DDX23: variants seen among roughly 807,000 people sequenced by gnomAD.
DDX23 encodes probable ATP-dependent RNA helicase DDX23.
Under a neutral mutation model 102.7 loss-of-function variants are expected in DDX23, and 33 were observed. The ratio of observed to expected loss-of-function variants is 0.32; its 90% CI spans 0.24 to 0.43. DDX23 has a LOEUF of 0.43. Among genes scored for constraint, DDX23 ranks in the 20% least tolerant of loss-of-function variants. The pLI is 1.00. For missense variants in DDX23, 549 were observed against 1,086.6 expected, an observed-to-expected ratio of 0.51 and a Z score of 6.96; for synonymous variants, 352 against 376.0, an observed-to-expected ratio of 0.94 and a Z score of 0.74.
rs1328308777 is a variant in DDX23, at chr12:48,836,539, G to C, written c.1236+30C>G. ...CCCAAACTAGTGTAGGAACATGTCA[G>C]ATCTCTTGGGCCAATCTATCCCTCC... On this transcript the variant is annotated intron_variant, in intron 10 of 16. Coordinates refer to ENST00000308025, the MANE Select transcript of DDX23 (RefSeq NM_004818.3). The surrounding 1 kb of genome is among the most constrained non-coding windows in gnomAD (Gnocchi z 6.1). 1 of 1,598,860 alleles carries C rather than the reference G, an allele frequency of 6.3e-7. No individual in the cohort carries two copies. The highest frequency in any genetic ancestry group is 1.3e-5 in the African/African-American group (1 of 74,532).
chr12:48,844,282 C>T (rs1938625673), intron 2 of DDX23, among the ~76,000 whole-genome samples: 1 of 152,010 alleles, frequency 6.6e-6, no homozygotes, highest in African/African-American at 2.4e-5. Context: ...ATGAACCTTC[C>T]TTTTTTATTT....
At chr12:48,839,154 T>C (rs967743700) in intron 5 of DDX23, among the ~76,000 whole-genome samples, 1 of 152,062 alleles carries the variant, frequency 6.6e-6, no homozygotes, top group South Asian at 2.1e-4. Context: ...GGATTACAGG[T>C]GTGAGCCACT....
At position 48,830,527 on chromosome 12, in the gene DDX23, T is replaced by C; in HGVS notation, c.2405A>G (p.Gln802Arg). Residue 802 changes from glutamine to arginine, a missense_variant, in exon 17 of 17, where the codon CAG becomes CGG. By Grantham distance (43) the Gln-to-Arg change is conservative. This residue lies in a region of DDX23 where 38 missense variants were observed against 94.5 expected (regional missense o/e 0.40). Transcript: ENST00000308025. This position sits in a 1 kb window ranked among gnomAD's most constrained non-coding sequence, Gnocchi z 4.9. ...PPELANHPDA[Q>R]HKPGTILTKK... ...GGTGAGGATGGTGCCTGGCTTATGCTGGGCATCTGGGTGGTTGGCTAGTTC... is the reference window on the plus strand; with the variant it reads ...GGTGAGGATGGTGCCTGGCTTATGCCGGGCATCTGGGTGGTTGGCTAGTTC... 1 of 1,613,706 alleles carries C rather than the reference T, an allele frequency of 6.2e-7. No homozygotes were observed. The highest frequency in any genetic ancestry group is 8.5e-7 in the Non-Finnish European group (1 of 1,180,000).
At chr12:48,849,359 TAA>T (rs1037730880) in intron 1 of DDX23, among the ~76,000 whole-genome samples, 9 of 151,980 alleles carry the variant, frequency 5.9e-5, no homozygotes, top group African/African-American at 1.9e-4. Context: ...TTTACATTTA[TAA>T]ACAGTTAAAA....
chr12:48,842,986 C>A (rs1377820855), intron 3 of DDX23, among the ~76,000 whole-genome samples: 1 of 150,254 alleles, frequency 6.7e-6, no homozygotes, highest in Non-Finnish European at 1.5e-5. Flanking sequence ...TCCTGTTGAT[C>A]TGTGACCTTA....
At chr12:48,843,000 C>A (rs1442597129) in intron 3 of DDX23, among the ~76,000 whole-genome samples, 2 of 149,704 alleles carry the variant, frequency 1.3e-5, no homozygotes, top group Non-Finnish European at 1.5e-5. Context: ...GACCTTACCC[C>A]CAACCCTGTG....
intron 1 of DDX23, among the ~76,000 whole-genome samples, chr12:48,848,291 C>A (rs11168756): frequency 0.21 from 29,849 of 141,616 alleles, 3,633 homozygotes; most frequent in Middle Eastern, 0.32. Flanking sequence ...GTCTCAAAAA[C>A]AAAACAAAAC....
intron 8 of DDX23, 30 bp downstream of exon 8, chr12:48,837,251 G>A (rs1203495755): frequency 6.2e-7 from 1 of 1,606,020 alleles, no homozygotes; most frequent in Non-Finnish European, 8.5e-7. Context: ...TAGTGGAAAA[G>A]ACCTAGAACT....
At chr12:48,845,500 T>G in intron 2 of DDX23, 74 bp downstream of exon 2, 1 of 1,540,106 alleles carries the variant, frequency 6.5e-7, no homozygotes, top group South Asian at 1.1e-5. Flanking sequence ...ACTGGAGGCA[T>G]CAGAAGAACC....
intron 5 of DDX23, among the ~76,000 whole-genome samples, chr12:48,838,370 G>C (rs1019190006): frequency 2.1e-4 from 32 of 152,098 alleles, no homozygotes; most frequent in African/African-American, 7.5e-4. Context: ...GGGCAACATA[G>C]CAGACCTTGT....
chr12:48,845,133 C>T (rs1592204701), intron 2 of DDX23, among the ~76,000 whole-genome samples: 1 of 130,092 alleles, frequency 7.7e-6, no homozygotes, highest in African/African-American at 3.0e-5. Context: ...GCCTGGGAAA[C>T]AAGAGTGAAA....
At chr12:48,831,889 C>G (rs986458618) in intron 15 of DDX23, 189 bp downstream of exon 15, 5 of 605,814 alleles carry the variant, frequency 8.3e-6, no homozygotes, top group African/African-American at 5.6e-5. Context: ...CTGCAGCAGA[C>G]AGGGGGTCCC....
chr12:48,839,595 G>T, intron 5 of DDX23: 2 of 348,210 alleles, frequency 5.7e-6, no homozygotes, highest in African/African-American at 2.2e-5. Flanking sequence ...GGGCCTTTTA[G>T]GGTGAGCCCT....
Position 48,836,840 on chromosome 12 carries a change from C to T in DDX23, c.1011-46G>A. ...TAAGTAGAATCAGTGCCCTCCAACTCCTTTCTGTAGAGCCTCTGGGCTCTG... is the reference window on the plus strand; with the variant it reads ...TAAGTAGAATCAGTGCCCTCCAACTTCTTTCTGTAGAGCCTCTGGGCTCTG... On this transcript the variant is annotated intron_variant, in intron 9 of 16. Coordinates refer to ENST00000308025, the MANE Select transcript of DDX23 (RefSeq NM_004818.3). This position sits in a 1 kb window ranked among gnomAD's most constrained non-coding sequence, Gnocchi z 6.1. 6.2e-7 allele frequency: 1 copy of T among 1,613,324 alleles called. No homozygotes were observed. Among genetic ancestry groups the T allele is most frequent in the South Asian group, 1.1e-5 (1 of 91,058 alleles).
At chr12:48,848,546 A>T (rs1347650885) in intron 1 of DDX23, among the ~76,000 whole-genome samples, 1 of 151,392 alleles carries the variant, frequency 6.6e-6, no homozygotes, top group Admixed American at 6.6e-5. Context: ...TGTTAGATAC[A>T]AGAAATGTGA....
At chr12:48,842,486 C>T (rs569803099) in intron 3 of DDX23, among the ~76,000 whole-genome samples, 2 of 132,808 alleles carry the variant, frequency 1.5e-5, no homozygotes, top group Admixed American at 7.4e-5. Context: ...CCACCCCGTC[C>T]GGGAGGAAGG....
rs1938617956 is a variant in DDX23, at chr12:48,843,934, A to G, written c.320+6T>C. Reference sequence around the variant, plus strand: ...CCCTAAAGCCCCCTCTCATTCCTTCATGTACCTGGATCGTTTACGGTCCTT... The same window carrying G: ...CCCTAAAGCCCCCTCTCATTCCTTCGTGTACCTGGATCGTTTACGGTCCTT... On this transcript the variant is annotated splice_donor_region_variant and intron_variant, in intron 3 of 16. Coordinates refer to ENST00000308025, the MANE Select transcript of DDX23 (RefSeq NM_004818.3). The G allele has an allele frequency of 6.2e-7, 1 of 1,613,786 alleles. No individual in the cohort carries two copies.
chr12:48,845,441 A>G (rs1452635954), intron 2 of DDX23, 133 bp downstream of exon 2: 2 of 1,028,874 alleles, frequency 1.9e-6, no homozygotes, highest in East Asian at 5.1e-5. Context: ...GGTAACAAAC[A>G]GAGCGAGACT....
chr12:48,839,309 A>G (rs1938510768), intron 5 of DDX23, among the ~76,000 whole-genome samples: 2 of 152,076 alleles, frequency 1.3e-5, no homozygotes, highest in Non-Finnish European at 2.9e-5. Context: ...CTGTAATCCC[A>G]GCACTTTGTG....
Sources: gnomAD v4.1 joint callset for allele counts (sites outside exome capture counted in the v4.1 genomes callset) on GRCh38, gnomAD v4.1.1 for gene constraint, gnomAD v4.1.1 regional missense constraint, Gnocchi (gnomAD v3.1) non-coding constraint, MANE v1.5 for transcripts, NCBI Gene and HGNC (gene_info 2026-07-23, HGNC 2026-07-21) for gene names.